DSCAM: variants seen among roughly 807,000 people sequenced by gnomAD.
The protein encoded by DSCAM is cell adhesion molecule DSCAM.
In DSCAM, 47 loss-of-function variants were observed where a neutral mutation model predicts 217.7. That is an observed-to-expected ratio of 0.22 (90% confidence interval 0.17 to 0.28). The LOEUF is 0.28. DSCAM is among the 10% of genes least tolerant of loss of function. The probability of loss-of-function intolerance (pLI) is 1.00; values close to 1 mark genes in which losing one functional copy is unlikely to be tolerated. For synonymous variants in DSCAM, 1,056 were observed against 1,015.3 expected, an observed-to-expected ratio of 1.04 and a Z score of -0.76; for missense variants, 2,080 against 2,618.3, an observed-to-expected ratio of 0.79 and a Z score of 4.49.
intron 3 of DSCAM, among the ~76,000 whole-genome samples, chr21:40,468,320 T>G (rs2075861361): frequency 6.6e-6 from 1 of 152,202 alleles, no homozygotes; most frequent in African/African-American, 2.4e-5. Context: ...GATTGAGACC[T>G]GTCTGAGATA....
intron 1 of DSCAM, among the ~76,000 whole-genome samples, chr21:40,730,105 A>G (rs2090997809): frequency 6.6e-6 from 1 of 152,176 alleles, no homozygotes; most frequent in African/African-American, 2.4e-5. Flanking sequence ...GTAGCCACTC[A>G]GGTCTCTTTC....
chr21:40,797,159 T>G (rs2091698762), intron 1 of DSCAM, among the ~76,000 whole-genome samples: 1 of 152,220 alleles, frequency 6.6e-6, no homozygotes, highest in African/African-American at 2.4e-5. Flanking sequence ...TGACACATTG[T>G]GCTTATCTTG....
At chr21:40,131,841 A>G (rs1031823204) in intron 19 of DSCAM, among the ~76,000 whole-genome samples, 6 of 152,258 alleles carry the variant, frequency 3.9e-5, no homozygotes, top group African/African-American at 9.6e-5. Context: ...TCCATACACT[A>G]TCAGCACTGG....
chr21:40,757,584 A>T (rs1402242319), intron 1 of DSCAM, among the ~76,000 whole-genome samples: 1 of 152,212 alleles, frequency 6.6e-6, no homozygotes, highest in Non-Finnish European at 1.5e-5. Context: ...TTCCTGGGAC[A>T]TGGGTCCACC....
chr21:40,197,409 C>T (rs550100894), intron 11 of DSCAM, among the ~76,000 whole-genome samples: 94 of 152,240 alleles, frequency 6.2e-4, no homozygotes, highest in Middle Eastern at 3.4e-3. Flanking sequence ...TGAGCCACCG[C>T]GCCCAGCCTC....
chr21:40,299,096 T>C (rs2073986819), intron 9 of DSCAM, among the ~76,000 whole-genome samples: 1 of 152,136 alleles, frequency 6.6e-6, no homozygotes, highest in Non-Finnish European at 1.5e-5. Context: ...ACCCCAGTGA[T>C]TTACAGTCAC....
At chr21:40,689,810 T>C (rs1285346298) in intron 3 of DSCAM, among the ~76,000 whole-genome samples, 1 of 152,180 alleles carries the variant, frequency 6.6e-6, no homozygotes, top group East Asian at 1.9e-4. Flanking sequence ...CAAATTAACC[T>C]TTTACAGGTC....
intron 3 of DSCAM, among the ~76,000 whole-genome samples, chr21:40,470,241 C>T (rs1027906446): frequency 2.6e-5 from 4 of 152,240 alleles, no homozygotes; most frequent in African/African-American, 9.6e-5. Flanking sequence ...GATTCAGTAA[C>T]TACGACTAAA....
intron 20 of DSCAM, among the ~76,000 whole-genome samples, chr21:40,114,029 C>A (rs962303781): frequency 4.6e-5 from 7 of 151,952 alleles, no homozygotes; most frequent in Admixed American, 4.6e-4. Context: ...ATCAAGCTAC[C>A]AATGACTTTC....
At chr21:40,567,156 G>A (rs2076771039) in intron 3 of DSCAM, among the ~76,000 whole-genome samples, 1 of 152,098 alleles carries the variant, frequency 6.6e-6, no homozygotes, top group Non-Finnish European at 1.5e-5. Flanking sequence ...TTTTCCTTCT[G>A]ATTTTAAAAG....
intron 11 of DSCAM, among the ~76,000 whole-genome samples, chr21:40,251,748 C>A (rs2073307555): frequency 6.6e-6 from 1 of 152,180 alleles, no homozygotes; most frequent in Non-Finnish European, 1.5e-5. Context: ...TTAAATATGG[C>A]AAAGATAGTG....
At chr21:40,021,688 C>T (rs2088275623) in intron 32 of DSCAM, among the ~76,000 whole-genome samples, 1 of 152,194 alleles carries the variant, frequency 6.6e-6, no homozygotes, top group African/African-American at 2.4e-5. Flanking sequence ...ACCTTCAGTG[C>T]CATTAATGTC....
At chr21:40,256,061 T>C (rs2073366255) in intron 11 of DSCAM, among the ~76,000 whole-genome samples, 1 of 152,208 alleles carries the variant, frequency 6.6e-6, no homozygotes, top group South Asian at 2.1e-4. Context: ...TAATGGCAAC[T>C]TGAGAAAACT....
intron 3 of DSCAM, among the ~76,000 whole-genome samples, chr21:40,378,379 TG>T (rs898290681): frequency 6.6e-6 from 1 of 152,058 alleles, no homozygotes; most frequent in Non-Finnish European, 1.5e-5. Flanking sequence ...GCATGTAAAT[TG>T]GTGAAGCCTT....
intron 3 of DSCAM, among the ~76,000 whole-genome samples, chr21:40,583,572 G>A (rs2146227513): frequency 6.6e-6 from 1 of 152,230 alleles, no homozygotes; most frequent in East Asian, 1.9e-4. Flanking sequence ...AAGGAAAAAA[G>A]AGAAGAGGAT....
At position 40,215,977 on chromosome 21, in the gene DSCAM, A is replaced by G. The variant is rs540161436; in HGVS notation, c.2357-26739T>C. 3.9e-5 allele frequency among the ~76,000 whole-genome samples: 6 copies of G among 152,020 alleles called. No individual in the cohort carries two copies. The East Asian group carries it at 7.7e-4, about 20-fold the overall frequency. On this transcript the variant is annotated intron_variant, in intron 11 of 32. Coordinates refer to ENST00000400454, the MANE Select transcript of DSCAM (RefSeq NM_001389.5). ...AAAACAACTTTGGTATTTGTGCTCAAGACTACTATGGGAAGGACCCAGTTA... is the reference window on the plus strand; with the variant it reads ...AAAACAACTTTGGTATTTGTGCTCAGGACTACTATGGGAAGGACCCAGTTA...
intron 10 of DSCAM, among the ~76,000 whole-genome samples, chr21:40,282,197 G>A (rs554890847): frequency 2.6e-4 from 39 of 152,174 alleles, no homozygotes; most frequent in African/African-American, 7.7e-4. Flanking sequence ...TATTAATGTC[G>A]TTCCCAAAGT....
At chr21:40,836,140 T>C (rs533756390) in intron 1 of DSCAM, among the ~76,000 whole-genome samples, 1 of 152,276 alleles carries the variant, frequency 6.6e-6, no homozygotes, top group Non-Finnish European at 1.5e-5. Context: ...CTAGCTCATC[T>C]CTTAAGCTTG....
intron 20 of DSCAM, 130 bp downstream of exon 20, chr21:40,124,065 C>G (rs1328598784): frequency 7.9e-7 from 1 of 1,269,448 alleles, no homozygotes; most frequent in African/African-American, 1.5e-5. Flanking sequence ...GTGGAGACAG[C>G]AGGGGCAAAA....
Sources: gnomAD v4.1 joint callset for allele counts (sites outside exome capture counted in the v4.1 genomes callset) on GRCh38, gnomAD v4.1.1 for gene constraint, MANE v1.5 for transcripts, NCBI Gene and HGNC (gene_info 2026-07-23, HGNC 2026-07-21) for gene names.